SH3GL2: variants seen among roughly 807,000 people sequenced by gnomAD.
SH3GL2 encodes the protein SH3 domain containing GRB2 like 2, endophilin A1.
In SH3GL2, 24 loss-of-function variants were observed where a neutral mutation model predicts 46.0. The ratio of observed to expected loss-of-function variants is 0.52; its 90% CI spans 0.38 to 0.73. The LOEUF (loss-of-function observed/expected upper bound fraction) is 0.73, where lower values mean the gene tolerates loss of function less well. Among genes scored for constraint, SH3GL2 ranks in the 30% least tolerant of loss-of-function variants. The probability of loss-of-function intolerance (pLI) is 0.00; values close to 1 mark genes in which losing one functional copy is unlikely to be tolerated. For missense variants in SH3GL2, 413 were observed against 424.2 expected (o/e 0.97, Z 0.23); for synonymous variants, 196 against 147.1 (o/e 1.33, Z -2.40).
At chr9:17,601,039 A>G (rs1277186416) in intron 1 of SH3GL2, among the ~76,000 whole-genome samples, 1 of 152,122 alleles carries the variant, frequency 6.6e-6, no homozygotes, top group African/African-American at 2.4e-5. Flanking sequence ...TGTGTCCCTC[A>G]GCATTCTTAA....
At chr9:17,729,441 C>G (rs1188710861) in intron 1 of SH3GL2, among the ~76,000 whole-genome samples, 1 of 152,178 alleles carries the variant, frequency 6.6e-6, no homozygotes, top group Non-Finnish European at 1.5e-5. Context: ...GTTTCTTTTG[C>G]TCTACAGAAG....
At chr9:17,617,838 C>A (rs576495293) in intron 1 of SH3GL2, among the ~76,000 whole-genome samples, 1 of 152,026 alleles carries the variant, frequency 6.6e-6, no homozygotes, top group South Asian at 2.1e-4. Flanking sequence ...TATGTCAGGA[C>A]CATCTTCTGT....
At chr9:17,774,810 G>A (rs1284406110) in intron 3 of SH3GL2, among the ~76,000 whole-genome samples, 1 of 152,124 alleles carries the variant, frequency 6.6e-6, no homozygotes, top group Non-Finnish European at 1.5e-5. Flanking sequence ...CATAGAATGA[G>A]CAGGAAATTT....
intron 1 of SH3GL2, among the ~76,000 whole-genome samples, chr9:17,597,822 G>A (rs756701115): frequency 6.6e-6 from 1 of 152,080 alleles, no homozygotes; most frequent in Non-Finnish European, 1.5e-5. Context: ...ATCTGACCCT[G>A]GCCTCTCCAC....
intron 1 of SH3GL2, among the ~76,000 whole-genome samples, chr9:17,678,892 C>G (rs1250438670): frequency 5.9e-5 from 9 of 152,108 alleles, no homozygotes; most frequent in Admixed American, 6.5e-5. Context: ...ATAGGGAATC[C>G]TTTCCCCATT....
Position 17,791,299 on chromosome 9 carries a change from G to C in SH3GL2, c.693G>C (p.Gln231His), listed in dbSNP as rs147322804. 2 of 1,613,398 alleles carry C rather than the reference G, an allele frequency of 1.2e-6. No individual in the cohort carries two copies. The highest frequency in any genetic ancestry group is 1.7e-5 in the Admixed American group (1 of 59,984). ...AQLEYHKQAV[Q>H]ILQQVTVRLE... ...TGGAGTACCACAAGCAGGCAGTCCAGATCCTGCAGCAAGTCACGGTCAGAC... is the reference window on the plus strand; with the variant it reads ...TGGAGTACCACAAGCAGGCAGTCCACATCCTGCAGCAAGTCACGGTCAGAC... The change falls in exon 7 of 9, where the codon CAG (glutamine) becomes CAC (histidine). Residue 231 changes from glutamine (Q) to histidine (H), a missense_variant. Transcript: ENST00000380607.
intron 1 of SH3GL2, among the ~76,000 whole-genome samples, chr9:17,598,624 C>T (rs180869184): frequency 3.2e-4 from 49 of 152,310 alleles, no homozygotes; most frequent in African/African-American, 1.2e-3. Context: ...CCAGATGATA[C>T]TTATTGGAAT....
At chr9:17,642,043 T>C (rs950427690) in intron 1 of SH3GL2, among the ~76,000 whole-genome samples, 9 of 152,186 alleles carry the variant, frequency 5.9e-5, no homozygotes, top group Non-Finnish European at 1.3e-4. Context: ...TTGAACTAAT[T>C]TACACTCCCA....
chr9:17,742,717 G>A (rs749277492), intron 1 of SH3GL2, among the ~76,000 whole-genome samples: 3 of 152,192 alleles, frequency 2.0e-5, no homozygotes, highest in Non-Finnish European at 4.4e-5. Context: ...TTGGAATACA[G>A]AGTGTATGGG....
In SH3GL2 at chr9:17,795,498, C is replaced by G. The variant is rs200084827; in HGVS notation, c.860-46C>G. 73 of 1,501,776 alleles carry G rather than the reference C, an allele frequency of 4.9e-5. No homozygotes were observed. The Middle Eastern group carries it at 1.3e-3, about 26-fold the overall frequency. The allele number at this position is 1,501,776 out of a possible 1,614,324, so 93.0% of individuals were successfully genotyped here. On this transcript the variant is annotated intron_variant, in intron 8 of 8. Transcript: ENST00000380607. ...CAGCAGATTCTGTGAGTTAAATACCCCTTATCCTTTTGTGTTCTTCTCTTC... is the reference window on the plus strand; with the variant it reads ...CAGCAGATTCTGTGAGTTAAATACCGCTTATCCTTTTGTGTTCTTCTCTTC...
chr9:17,603,725 T>TG (rs1273340258), intron 1 of SH3GL2, among the ~76,000 whole-genome samples: 4 of 152,018 alleles, frequency 2.6e-5, no homozygotes, highest in Admixed American at 6.5e-5. Flanking sequence ...CCGAGTGTGG[T>TG]GGTGCATGCC....
intron 6 of SH3GL2, among the ~76,000 whole-genome samples, chr9:17,790,601 G>C (rs1824100133): frequency 6.6e-6 from 1 of 152,100 alleles, no homozygotes; most frequent in African/African-American, 2.4e-5. Flanking sequence ...CAAATTCATG[G>C]GACAACACTG....
intron 1 of SH3GL2, among the ~76,000 whole-genome samples, chr9:17,618,200 G>C (rs930509312): frequency 6.6e-6 from 1 of 152,100 alleles, no homozygotes; most frequent in Non-Finnish European, 1.5e-5. Flanking sequence ...GACTGGAAAG[G>C]TGCTACCAGC....
At chr9:17,693,534 G>T (rs939807318) in intron 1 of SH3GL2, among the ~76,000 whole-genome samples, 2 of 151,982 alleles carry the variant, frequency 1.3e-5, no homozygotes, top group Non-Finnish European at 2.9e-5. Flanking sequence ...GCAGAAATGC[G>T]AATGGTGTAA....
chr9:17,647,071 C>T (rs1257581299), intron 1 of SH3GL2, among the ~76,000 whole-genome samples: 1 of 152,164 alleles, frequency 6.6e-6, no homozygotes, highest in African/African-American at 2.4e-5. Context: ...AGATGCCCTG[C>T]CCAGAGAGGA....
intron 1 of SH3GL2, among the ~76,000 whole-genome samples, chr9:17,736,587 A>G (rs969583616): frequency 2.0e-5 from 3 of 152,136 alleles, no homozygotes; most frequent in Admixed American, 1.3e-4. Context: ...CATTTATCTC[A>G]GGATAGAGCT....
At chr9:17,647,980 G>T (rs1042344529) in intron 1 of SH3GL2, among the ~76,000 whole-genome samples, 6 of 152,240 alleles carry the variant, frequency 3.9e-5, no homozygotes, top group African/African-American at 1.4e-4. Flanking sequence ...TTGTGATGAT[G>T]CACTTCTATT....
At chr9:17,606,129 G>A (rs749460941) in intron 1 of SH3GL2, among the ~76,000 whole-genome samples, 1 of 152,036 alleles carries the variant, frequency 6.6e-6, no homozygotes, top group African/African-American at 2.4e-5. Flanking sequence ...GTCTCACTCT[G>A]TTGCCCAGGC....
intron 1 of SH3GL2, among the ~76,000 whole-genome samples, chr9:17,607,612 A>C (rs1331277690): frequency 1.3e-5 from 2 of 152,330 alleles, no homozygotes; most frequent in South Asian, 2.1e-4. Context: ...ATTAAGTAGA[A>C]ATAACCTATT....
Sources: gnomAD v4.1 joint callset for allele counts (sites outside exome capture counted in the v4.1 genomes callset) on GRCh38, gnomAD v4.1.1 for gene constraint, MANE v1.5 for transcripts, NCBI Gene and HGNC (gene_info 2026-07-23, HGNC 2026-07-21) for gene names.